The following SEL1L3 variants were observed in gnomAD, a reference collection of about 807,000 sequenced individuals.
SEL1L3 encodes the protein SEL1L family member 3.
Under a neutral mutation model 142.8 loss-of-function variants are expected in SEL1L3, and 76 were observed. That is an observed-to-expected ratio of 0.53 (90% CI 0.44 to 0.64). SEL1L3 has a LOEUF of 0.64. Among genes scored for constraint, SEL1L3 ranks in the 30% least tolerant of loss-of-function variants. The pLI, the probability that SEL1L3 is intolerant of heterozygous loss-of-function variation, is 0.00. For missense variants in SEL1L3, 1,262 were observed against 1,381.7 expected, an observed-to-expected ratio of 0.91 and a Z score of 1.37; for synonymous variants, 504 against 519.6, an observed-to-expected ratio of 0.97 and a Z score of 0.41.
rs370683106 is a variant in SEL1L3 at position 25,838,287 on chromosome 4, T to TAA, written c.734-2966_734-2965dup. On this transcript the variant is annotated intron_variant, in intron 2 of 23. Coordinates refer to ENST00000399878, the MANE Select transcript of SEL1L3 (RefSeq NM_015187.5). The stretch of plus-strand genomic sequence containing the variant: ...AACAAACAAAGACACCATTAAGACA[T>TAA]AAACATAGAATGCCAGGAAAACAGT... 4.9e-4 allele frequency among the ~76,000 whole-genome samples: 75 copies of TAA among 152,314 alleles called. 1 individual carries two copies. The East Asian group carries it at 7.5e-3, about 15-fold the overall frequency.
chr4:25,745,782 G>C (rs910530784), downstream of SEL1L3, among the ~76,000 whole-genome samples: 2 of 152,222 alleles, frequency 1.3e-5, no homozygotes, highest in Non-Finnish European at 2.9e-5. Flanking sequence ...CACTGGCCAC[G>C]GGCTGCTCTT....
intron 20 of SEL1L3, among the ~76,000 whole-genome samples, chr4:25,763,183 T>C (rs1261858517): frequency 7.8e-6 from 1 of 127,890 alleles, no homozygotes; most frequent in Non-Finnish European, 1.6e-5. Context: ...AAAATAAAAA[T>C]TGAAAAAAAA....
rs143873073 is a variant in SEL1L3, at chr4:25,776,134, G to C, written c.2669+143C>G. 2,748 of 590,886 alleles carry C rather than the reference G, an allele frequency of 4.7e-3. 13 individuals are homozygous for C. Among genetic ancestry groups the C allele is most frequent in the Middle Eastern group, 9.5e-3 (36 of 3,808 alleles). 36.6% of individuals were successfully genotyped at this position (590,886 alleles called of 1,614,324 possible). On this transcript the variant is annotated intron_variant, in intron 17 of 23. Transcript: ENST00000399878. ...ATGTTTTCCAATCAACAGCCAATCA[G>C]TCCATGATACTCTGAATATCATTAC...
intron 17 of SEL1L3, among the ~76,000 whole-genome samples, chr4:25,774,907 G>A (rs1020623532): frequency 2.1e-5 from 3 of 145,640 alleles, no homozygotes; most frequent in African/African-American, 7.4e-5. Flanking sequence ...GACTCTATGA[G>A]AAAAACAGTG....
At chr4:25,781,346 C>T (rs954389175) in intron 15 of SEL1L3, among the ~76,000 whole-genome samples, 1 of 152,008 alleles carries the variant, frequency 6.6e-6, no homozygotes, top group Non-Finnish European at 1.5e-5. Context: ...TTAAATGTAG[C>T]GGAGCTCAGG....
intron 12 of SEL1L3, among the ~76,000 whole-genome samples, 171 bp downstream of exon 12, chr4:25,790,284 G>A (rs1412567461): frequency 6.6e-6 from 1 of 152,188 alleles, no homozygotes; most frequent in Non-Finnish European, 1.5e-5. Context: ...ACTCTTAAGG[G>A]ACTGTGACAA....
At chr4:25,820,795 T>A (rs373615752) in intron 7 of SEL1L3, among the ~76,000 whole-genome samples, 14 of 152,370 alleles carry the variant, frequency 9.2e-5, no homozygotes, top group African/African-American at 3.4e-4. Context: ...TAATTTTTTT[T>A]ATTTGAGACA....
At chr4:25,755,251 T>C (rs1346600251) in intron 23 of SEL1L3, among the ~76,000 whole-genome samples, 2 of 148,848 alleles carry the variant, frequency 1.3e-5, no homozygotes, top group Non-Finnish European at 3.0e-5. Context: ...ACCTGGCTAA[T>C]TTTTATTTTA....
chr4:25,827,375 C>T (rs1296715599), intron 6 of SEL1L3, among the ~76,000 whole-genome samples: 1 of 152,130 alleles, frequency 6.6e-6, no homozygotes, highest in Admixed American at 6.5e-5. Context: ...AATTTGGACA[C>T]AGACACACCC....
chr4:25,750,535 TA>T (rs1227030962), intron 23 of SEL1L3, among the ~76,000 whole-genome samples: 3 of 152,224 alleles, frequency 2.0e-5, no homozygotes, highest in African/African-American at 7.2e-5. Context: ...AATTGTATGC[TA>T]TAAGTAAGAT....
At chr4:25,728,849 G>A in the SEL1L3 span, among the ~76,000 whole-genome samples, 1 of 141,156 alleles carries the variant, frequency 7.1e-6, no homozygotes. Flanking sequence ...CTAGTCAACA[G>A]AGACTTGTGT....
the SEL1L3 span, among the ~76,000 whole-genome samples, chr4:25,727,850 A>G: frequency 6.6e-6 from 1 of 152,184 alleles, no homozygotes. Context: ...CTAATTAATT[A>G]AAAACAGTGT....
intron 3 of SEL1L3, among the ~76,000 whole-genome samples, chr4:25,834,734 A>G (rs1715680399): frequency 6.6e-6 from 1 of 152,242 alleles, no homozygotes; most frequent in Non-Finnish European, 1.5e-5. Context: ...TATGAGGTGA[A>G]CCAGGAACCA....
chr4:25,758,003 G>A (rs950840349), intron 21 of SEL1L3, among the ~76,000 whole-genome samples: 1 of 152,174 alleles, frequency 6.6e-6, no homozygotes, highest in Non-Finnish European at 1.5e-5. Context: ...AGAAATTTTA[G>A]AAAAAGGTCA....
At chr4:25,841,313 C>T (rs1212896077) in intron 2 of SEL1L3, among the ~76,000 whole-genome samples, 1 of 152,164 alleles carries the variant, frequency 6.6e-6, no homozygotes, top group Admixed American at 6.6e-5. Flanking sequence ...GGATCACAGG[C>T]GTGAGCCACT....
At chr4:25,756,651 C>A in intron 23 of SEL1L3, 1 of 1,012,530 alleles carries the variant, frequency 9.9e-7, no homozygotes, top group South Asian at 3.9e-5. Context: ...CAGAAGCAAG[C>A]AGGGCTCCCT....
chr4:25,757,864 A>G, intron 21 of SEL1L3, 74 bp from the exon 22 acceptor site: 1 of 994,434 alleles, frequency 1.0e-6, no homozygotes, highest in Non-Finnish European at 1.6e-6. Context: ...GCATTTTCAG[A>G]TCCACAAACC....
intron 1 of SEL1L3, 125 bp downstream of exon 1, chr4:25,862,550 G>A (rs1443602094): frequency 1.5e-5 from 7 of 455,950 alleles, no homozygotes; most frequent in Non-Finnish European, 2.4e-5. Context: ...GGGGCGCAGC[G>A]ACGAGGAAGA....
intron 20 of SEL1L3, among the ~76,000 whole-genome samples, chr4:25,761,544 CA>C (rs1217267326): frequency 6.6e-6 from 1 of 152,056 alleles, no homozygotes; most frequent in Non-Finnish European, 1.5e-5. Flanking sequence ...TAGTCGTATG[CA>C]ATGTAATAGC....
Sources: allele counts gnomAD v4.1 joint callset (sites outside exome capture counted in the v4.1 genomes callset), GRCh38; gene constraint gnomAD v4.1.1; transcripts MANE v1.5; gene names NCBI Gene and HGNC (gene_info 2026-07-23, HGNC 2026-07-21).